SLC39A9: variants seen among roughly 807,000 people sequenced by gnomAD.
SLC39A9 encodes solute carrier family 39 member 9.
In SLC39A9, 14 loss-of-function variants were observed where a neutral mutation model predicts 28.4. The ratio of observed to expected loss-of-function variants is 0.49; its 90% CI spans 0.33 to 0.77. The LOEUF is 0.77. Among genes scored for constraint, SLC39A9 ranks in the 30% least tolerant of loss-of-function variants. The pLI, the probability that SLC39A9 is intolerant of heterozygous loss-of-function variation, is 0.02. For missense variants in SLC39A9, 283 were observed against 381.1 expected (o/e 0.74, Z 2.14); for synonymous variants, 119 against 149.6 (o/e 0.80, Z 1.49).
Position 69,442,274 on chromosome 14 carries a change from G to T in SLC39A9, c.403+8G>T, listed in dbSNP as rs1156819206. On this transcript the variant is annotated splice_region_variant and intron_variant, in intron 3 of 6. Transcript: ENST00000336643. ...ATGTGCATTCTACTGACGGTGAGTG[G>T]CTCCAAGGCTTTCTGGGCAGTGCAA... The T allele has an allele frequency of 7.4e-6, 12 of 1,613,330 alleles. No homozygotes were observed. Among genetic ancestry groups the T allele is most frequent in the Non-Finnish European group, 1.0e-5 (12 of 1,179,328 alleles).
Position 69,420,925 on chromosome 14 carries a change from C to T in SLC39A9, c.97-3169C>T, listed in dbSNP as rs953209030. On this transcript the variant is annotated intron_variant, in intron 1 of 6. Coordinates refer to ENST00000336643, the MANE Select transcript of SLC39A9 (RefSeq NM_018375.5). ...TTTTTCAAGGTTTTAAGCTTCCTTG[C>T]GATGGGTTTGAACATCCTCCTTTAG... Among the ~76,000 whole-genome samples, 6 of 152,180 alleles carry T rather than the reference C, an allele frequency of 3.9e-5. No individual in the cohort carries two copies. In the South Asian group the frequency reaches 6.2e-4, roughly 16 times the overall value.
chr14:69,424,319 A>G (rs574578501), intron 2 of SLC39A9, 117 bp downstream of exon 2: 158 of 724,580 alleles, frequency 2.2e-4, no homozygotes, highest in Non-Finnish European at 2.5e-4. Flanking sequence ...TTCTACCCTG[A>G]GAAGATTTGT....
In SLC39A9 at chr14:69,461,641, T is replaced by G. The variant is rs1452044833; in HGVS notation, c.*3048T>G. 1.0e-5 allele frequency: 16 copies of G among 1,529,120 alleles called. No homozygotes were observed. The highest frequency in any genetic ancestry group is 2.0e-5 in the Admixed American group (1 of 49,772). 94.7% of individuals were successfully genotyped at this position (1,529,120 alleles called of 1,614,324 possible). Reference sequence around the variant, plus strand: ...CAGAAAGGAGAAAATGTGATTGTGTTTTTTTTTTACCAGCCTACTTCTAAG... The same window carrying G: ...CAGAAAGGAGAAAATGTGATTGTGTGTTTTTTTTACCAGCCTACTTCTAAG... On this transcript the variant is annotated 3_prime_UTR_variant, in exon 7 of 7. Coordinates refer to ENST00000336643, the MANE Select transcript of SLC39A9 (RefSeq NM_018375.5).
rs181682945 is a variant in SLC39A9 at position 69,411,404 on chromosome 14, G to A, written c.96+11939G>A. Among the ~76,000 whole-genome samples the A allele has an allele frequency of 2.9e-3, 448 of 152,238 alleles. 3 individuals carry two copies. The highest frequency in any genetic ancestry group is 0.01 in the African/African-American group (436 of 41,540). On this transcript the variant is annotated intron_variant, in intron 1 of 6. Transcript: ENST00000336643. ...AGTGCAAGCTGTTGTTTTAATTAATGTATCTAGCAGATCCTTTGGTTCAGT... is the reference window on the plus strand; with the variant it reads ...AGTGCAAGCTGTTGTTTTAATTAATATATCTAGCAGATCCTTTGGTTCAGT...
At chr14:69,403,104 A>G (rs1882725773) in intron 1 of SLC39A9, among the ~76,000 whole-genome samples, 3 of 152,114 alleles carry the variant, frequency 2.0e-5, no homozygotes, top group Non-Finnish European at 4.4e-5. Context: ...AAATAAATAA[A>G]TAAAAATAAA....
intron 6 of SLC39A9, among the ~76,000 whole-genome samples, chr14:69,456,474 C>T (rs543246543): frequency 6.6e-5 from 10 of 152,268 alleles, no homozygotes; most frequent in African/African-American, 2.2e-4. Context: ...TCATTTTTCA[C>T]GTTCCTCCTC....
intron 1 of SLC39A9, among the ~76,000 whole-genome samples, chr14:69,420,040 A>G (rs1158310910): frequency 6.6e-6 from 1 of 152,188 alleles, no homozygotes; most frequent in African/African-American, 2.4e-5. Flanking sequence ...TCCTGTCATT[A>G]TGATGTTAGC....
At chr14:69,404,449 C>T (rs1332624016) in intron 1 of SLC39A9, among the ~76,000 whole-genome samples, 1 of 152,156 alleles carries the variant, frequency 6.6e-6, no homozygotes, top group African/African-American at 2.4e-5. Context: ...AATATAAGCA[C>T]AGGCTTAACA....
chr14:69,429,286 A>G (rs1358911229), intron 2 of SLC39A9: 1 of 151,908 alleles, frequency 6.6e-6, no homozygotes, highest in African/African-American at 2.4e-5. Context: ...TTAATCTTTT[A>G]ATTCCATTTT....
intron 2 of SLC39A9, among the ~76,000 whole-genome samples, chr14:69,434,362 G>A (rs1436669743): frequency 6.6e-6 from 1 of 151,104 alleles, no homozygotes; most frequent in Non-Finnish European, 1.5e-5. Flanking sequence ...GGGATTACAG[G>A]CGTGAGCCAC....
intron 6 of SLC39A9, among the ~76,000 whole-genome samples, chr14:69,456,500 C>T (rs1594954082): frequency 2.0e-5 from 3 of 152,206 alleles, no homozygotes; most frequent in Admixed American, 6.5e-5. Flanking sequence ...CCAGCTCTCA[C>T]GTCCCCAGAT....
At position 69,399,608 on chromosome 14, in the gene SLC39A9, C is replaced by G. The variant is rs78610607; in HGVS notation, c.96+143C>G. The G allele has an allele frequency of 1.2e-3, 796 of 636,804 alleles. 6 individuals carry two copies. The African/African-American group carries it at 0.013, about 11-fold the overall frequency. 39.4% of individuals were successfully genotyped at this position (636,804 alleles called of 1,614,324 possible). A position where few individuals can be genotyped will look rare whatever the true frequency, so the allele number is the denominator to read the frequency against. ...ACTATCTTTTTTAAAAGATACATGA[C>G]ACTTAATAATAGAAAGAAACCTCAT... On this transcript the variant is annotated intron_variant, in intron 1 of 6. Transcript: ENST00000336643.
At chr14:69,417,686 C>A (rs1244903515) in intron 1 of SLC39A9, among the ~76,000 whole-genome samples, 1 of 152,162 alleles carries the variant, frequency 6.6e-6, no homozygotes, top group East Asian at 1.9e-4. Context: ...AGAGGTCCTT[C>A]ACATCCCTTG....
chr14:69,458,743 C>G lies in SLC39A9; in HGVS notation c.*150C>G. The G allele has an allele frequency of 1.4e-6, 2 of 1,389,838 alleles. No homozygotes were observed. Among genetic ancestry groups the G allele is most frequent in the Non-Finnish European group, 1.9e-6 (2 of 1,073,184 alleles). 86.1% of individuals were successfully genotyped at this position (1,389,838 alleles called of 1,614,324 possible). A position where few individuals can be genotyped will look rare whatever the true frequency, so the allele number is the denominator to read the frequency against. On this transcript the variant is annotated 3_prime_UTR_variant, in exon 7 of 7. Transcript: ENST00000336643. ...TCCAGAGGGGAGGTGAGGTTAAAAC[C>G]TGAGTAATGGAAAAGCTTTTAGAGT...
At chr14:69,453,173 T>C in intron 3 of SLC39A9, 68 bp from the exon 4 acceptor site, 2 of 1,398,346 alleles carry the variant, frequency 1.4e-6, no homozygotes, top group Non-Finnish European at 2.0e-6. Context: ...TTCTTTCACC[T>C]CCAGACCAAT....
At chr14:69,408,136 C>A (rs139435306) in intron 1 of SLC39A9, among the ~76,000 whole-genome samples, 3,758 of 152,262 alleles carry the variant, frequency 0.025, 76 homozygotes, top group Middle Eastern at 0.065. Context: ...CCTCAGCCTC[C>A]CAAGTAGCTG....
At chr14:69,448,608 A>G (rs1885458025) in intron 3 of SLC39A9, among the ~76,000 whole-genome samples, 1 of 152,234 alleles carries the variant, frequency 6.6e-6, no homozygotes, top group Admixed American at 6.5e-5. Flanking sequence ...TCAAAGCGAG[A>G]GGAAATGTTC....
At position 69,405,173 on chromosome 14, in the gene SLC39A9, T is replaced by A. The variant is rs1053591369; in HGVS notation, c.96+5708T>A. On this transcript the variant is annotated intron_variant, in intron 1 of 6. Transcript: ENST00000336643. ...CTCGCATGGGAACTACAACTCAAGA[T>A]GAGATTTGGGTGGGGACACAACCAA... is the stretch of plus-strand genomic sequence containing the variant. Among the ~76,000 whole-genome samples, 4 of 152,250 alleles carry A rather than the reference T, an allele frequency of 2.6e-5. No homozygotes were observed. In the South Asian group the frequency reaches 8.3e-4, roughly 32 times the overall value.
intron 1 of SLC39A9, among the ~76,000 whole-genome samples, chr14:69,419,121 T>C (rs1011891381): frequency 1.8e-4 from 28 of 152,212 alleles, no homozygotes; most frequent in Non-Finnish European, 4.1e-4. Flanking sequence ...CTTTCCTGCT[T>C]TCTCTTGTGG....
Sources: allele counts gnomAD v4.1 joint callset (sites outside exome capture counted in the v4.1 genomes callset), GRCh38; gene constraint gnomAD v4.1.1; transcripts MANE v1.5; gene names NCBI Gene and HGNC (gene_info 2026-07-23, HGNC 2026-07-21).